COL6A3: variants seen among roughly 807,000 people sequenced by gnomAD.
COL6A3 encodes the protein collagen type VI alpha 3 chain.
A neutral mutation model predicts 274.1 loss-of-function variants in COL6A3; 137 were observed. The ratio of observed to expected loss-of-function variants is 0.50; its 90% CI spans 0.44 to 0.58. The LOEUF (loss-of-function observed/expected upper bound fraction) is 0.58. Among genes scored for constraint, COL6A3 ranks in the 20% least tolerant of loss-of-function variants. The probability of loss-of-function intolerance (pLI) is 0.00; values close to 1 mark genes in which losing one functional copy is unlikely to be tolerated. For synonymous variants in COL6A3, 1,650 were observed against 1,650.6 expected, an observed-to-expected ratio of 1.00 and a Z score of 0.01; for missense variants, 3,950 against 4,124.9, an observed-to-expected ratio of 0.96 and a Z score of 1.16.
rs749689911 is a variant in COL6A3 at position 237,364,711 on chromosome 2, G to A, written c.5839-283C>T. Among the ~76,000 whole-genome samples the A allele has an allele frequency of 2.0e-5, 3 of 151,206 alleles. No individual in the cohort carries two copies. Among genetic ancestry groups the A allele is most frequent in the African/African-American group, 4.8e-5 (2 of 41,238 alleles). On this transcript the variant is annotated intron_variant, in intron 12 of 43. Transcript: ENST00000295550. The surrounding 1 kb of genome is among the most constrained non-coding windows in gnomAD (Gnocchi z 4.6). ...CATATTTCTAAGATGTAGTTTCTGC[G>A]AATCATATGCATATGTGTGCATGCA...
At chr2:237,375,556 G>T (rs1412058672) in intron 7 of COL6A3, among the ~76,000 whole-genome samples, 2 of 152,072 alleles carry the variant, frequency 1.3e-5, no homozygotes, top group Non-Finnish European at 2.9e-5. Flanking sequence ...GAGGGGTCGG[G>T]GGGTGGACAG....
intron 31 of COL6A3, among the ~76,000 whole-genome samples, chr2:237,346,939 G>A (rs548375710): frequency 6.6e-6 from 1 of 151,188 alleles, no homozygotes; most frequent in Non-Finnish European, 1.5e-5. Flanking sequence ...AAAGCTCTTT[G>A]GGATATTAAA....
intron 42 of COL6A3, 111 bp downstream of exon 42, chr2:237,333,339 C>A: frequency 1.1e-6 from 1 of 952,216 alleles, no homozygotes. Context: ...TGGACCTTTT[C>A]CCCCATAGAA....
intron 43 of COL6A3, 66 bp from the exon 44 acceptor site, chr2:237,324,880 A>G (rs1242111549): frequency 4.6e-6 from 7 of 1,537,552 alleles, no homozygotes; most frequent in Non-Finnish European, 5.4e-6. Flanking sequence ...GAAAAGCCAC[A>G]TTACTGACCC....
rs1319372823 is a variant in COL6A3, at chr2:237,413,361, C to T, written c.-31+592G>A. ...GGTTCCTGGAAAGACGAAAGCTTGA[C>T]GGCAATGACTGAGCGACCCTTTACT... On this transcript the variant is annotated intron_variant, in intron 1 of 43. Transcript: ENST00000295550. This position sits in a 1 kb window ranked among gnomAD's most constrained non-coding sequence, Gnocchi z 4.0. 6.6e-6 allele frequency among the ~76,000 whole-genome samples: 1 copy of T among 152,234 alleles called. No individual in the cohort carries two copies. Among genetic ancestry groups the T allele is most frequent in the Non-Finnish European group, 1.5e-5 (1 of 68,044 alleles).
rs1038210060 is a variant in COL6A3 at position 237,329,916 on chromosome 2, A to G, written c.9328+3534T>C. 5 of 152,366 alleles carry G rather than the reference A, an allele frequency of 3.3e-5. No homozygotes were observed. The East Asian group carries it at 5.8e-4, about 18-fold the overall frequency. 9.4% of individuals were successfully genotyped at this position (152,366 alleles called of 1,614,324 possible). A position where few individuals can be genotyped will look rare whatever the true frequency, so the allele number is the denominator to read the frequency against. ...AAAATGATGGTTCCTTCAGGGCTATACAATTGGCCCAGTCATGTCTACTCG... is the reference window on the plus strand; with the variant it reads ...AAAATGATGGTTCCTTCAGGGCTATGCAATTGGCCCAGTCATGTCTACTCG... On this transcript the variant is annotated intron_variant, in intron 42 of 43. Coordinates refer to ENST00000295550, the MANE Select transcript of COL6A3 (RefSeq NM_004369.4).
chr2:237,365,869 C>A lies in COL6A3; in HGVS notation c.5667G>T (p.Val1889=). The change falls in exon 12 of 44, where the codon GTG becomes GTT. Residue 1889 remains valine (V), a synonymous_variant. Coordinates refer to ENST00000295550, the MANE Select transcript of COL6A3 (RefSeq NM_004369.4). ...GGRSPTVRVS[V]VANTPSGPVE... ...CCGGGCCCGAGGGCGTGTTGGCCACCACTGACACACGCACGGTGGGCGAGC... is the reference window on the plus strand; with the variant it reads ...CCGGGCCCGAGGGCGTGTTGGCCACAACTGACACACGCACGGTGGGCGAGC... 1 of 1,614,200 alleles carries A rather than the reference C, an allele frequency of 6.2e-7. No individual in the cohort carries two copies. The highest frequency in any genetic ancestry group is 8.5e-7 in the Non-Finnish European group (1 of 1,180,046).
chr2:237,344,901 G>A lies in COL6A3; in HGVS notation c.7174+40C>T. ...AAACTGTACTTACTACAAAAGGGAG[G>A]CTTCCTTTCCTTAGGAGAAAGTCAC... is the stretch of plus-strand genomic sequence containing the variant. On this transcript the variant is annotated intron_variant, in intron 35 of 43. Coordinates refer to ENST00000295550, the MANE Select transcript of COL6A3 (RefSeq NM_004369.4). This position sits in a 1 kb window ranked among gnomAD's most constrained non-coding sequence, Gnocchi z 4.8. 1.9e-6 allele frequency: 3 copies of A among 1,614,058 alleles called. No homozygotes were observed. The highest frequency in any genetic ancestry group is 2.5e-6 in the Non-Finnish European group (3 of 1,180,028).
At chr2:237,373,307 T>C (rs1037515782) in intron 8 of COL6A3, among the ~76,000 whole-genome samples, 1 of 152,226 alleles carries the variant, frequency 6.6e-6, no homozygotes, top group African/African-American at 2.4e-5. Flanking sequence ...TGCAGGCAGA[T>C]ACATTTTGGA....
rs369032069 is a variant in COL6A3 at position 237,339,051 on chromosome 2, G to T, written c.8531C>A (p.Pro2844His). Residue 2844 changes from proline to histidine, a missense_variant, in exon 39 of 44, where the codon CCC becomes CAC. Around this residue, in one of 5 missense-constraint regions of COL6A3, gnomAD observed 1,284 missense variants for 1,349.7 expected, o/e 0.95. Transcript: ENST00000295550. ...KQCDWFQGDQ[P>H]TKNLVKFGHK... is the part of the protein sequence containing the mutation. The stretch of plus-strand genomic sequence containing the variant: ...ACCAAACTTCACAAGGTTCTTTGTG[G>T]GTTGGTCCCCTTGGAACCAATCACA... The T allele has an allele frequency of 6.2e-7, 1 of 1,613,898 alleles. No homozygotes were observed. Among genetic ancestry groups the T allele is most frequent in the African/African-American group, 1.3e-5 (1 of 74,870 alleles).
At chr2:237,372,692 A>G (rs867116951) in intron 8 of COL6A3, among the ~76,000 whole-genome samples, 34 of 152,194 alleles carry the variant, frequency 2.2e-4, no homozygotes, top group African/African-American at 8.2e-4. Flanking sequence ...AGTGACCTCA[A>G]CTGGAGCACT....
At chr2:237,397,850 GGCCACA>G (rs1368302107) in intron 1 of COL6A3, among the ~76,000 whole-genome samples, 1 of 152,056 alleles carries the variant, frequency 6.6e-6, no homozygotes, top group Admixed American at 6.5e-5. Flanking sequence ...CTATTACTTT[GGCCACA>G]GCTAAAAAGC....
At chr2:237,343,438 C>G (rs1239558965) in intron 36 of COL6A3, 1 of 145,658 alleles carries the variant, frequency 6.9e-6, no homozygotes, top group Non-Finnish European at 1.5e-5. Context: ...TCACTTAAAA[C>G]TGGAAGGTGG....
At chr2:237,363,824 T>C (rs949970334) in intron 13 of COL6A3, among the ~76,000 whole-genome samples, 9 of 152,218 alleles carry the variant, frequency 5.9e-5, no homozygotes, top group African/African-American at 1.7e-4. Flanking sequence ...TGTAATGGCA[T>C]CCACTTTCTG....
intron 9 of COL6A3, among the ~76,000 whole-genome samples, chr2:237,370,020 A>G (rs1211757039): frequency 6.6e-6 from 1 of 151,178 alleles, no homozygotes; most frequent in Non-Finnish European, 1.5e-5. Context: ...TTTAAATTTC[A>G]TTAAAATTTT....
chr2:237,359,047 A>G lies in COL6A3; in HGVS notation c.6396T>C (p.Asn2132=). The part of the protein sequence containing the change: ...GLPGSSGEKG[N]PGRRGDKGPR... ...GAAATACACCTACCCTTCTTCCAGGATTCCCTTTCTCTCCAGAAGAACCAG... is the reference window on the plus strand; with the variant it reads ...GAAATACACCTACCCTTCTTCCAGGGTTCCCTTTCTCTCCAGAAGAACCAG... Residue 2132 remains asparagine (N), a synonymous_variant, in exon 20 of 44, where the codon AAT becomes AAC. Coordinates refer to ENST00000295550, the MANE Select transcript of COL6A3 (RefSeq NM_004369.4). 1 of 1,614,106 alleles carries G rather than the reference A, an allele frequency of 6.2e-7. No homozygotes were observed. The highest frequency in any genetic ancestry group is 8.5e-7 in the Non-Finnish European group (1 of 1,179,946).
rs1434617296 is a variant in COL6A3, at chr2:237,333,268, G to A, written c.9328+182C>T. 4.6e-6 allele frequency: 3 copies of A among 658,610 alleles called. No homozygotes were observed. In the African/African-American group the frequency reaches 5.4e-5, roughly 12 times the overall value. The allele number at this position is 658,610 out of a possible 1,614,324, so 40.8% of individuals were successfully genotyped here. A position where few individuals can be genotyped will look rare whatever the true frequency, so the allele number is the denominator to read the frequency against. On this transcript the variant is annotated intron_variant, in intron 42 of 43. Transcript: ENST00000295550. ...CTGAGTCTGATCACAGGTAAAGTAAGACTCCATTTACACCTGGGATTATGC... is the reference window on the plus strand; with the variant it reads ...CTGAGTCTGATCACAGGTAAAGTAAAACTCCATTTACACCTGGGATTATGC...
At chr2:237,388,287 C>T (rs984491293) in intron 3 of COL6A3, 103 bp from the exon 4 acceptor site, 154 of 1,434,052 alleles carry the variant, frequency 1.1e-4, no homozygotes, top group South Asian at 4.8e-4. Flanking sequence ...ATAAGAAACA[C>T]GAAATATGGG....
Position 237,346,658 on chromosome 2 carries a change from C to T in COL6A3, c.7030-93G>A. ...GGAAGGTACGGTAAAAGTGATCTAA[C>T]CCAAGGGACTCCATCACCACGAAAA... On this transcript the variant is annotated intron_variant, in intron 31 of 43. Coordinates refer to ENST00000295550, the MANE Select transcript of COL6A3 (RefSeq NM_004369.4). 4 of 1,123,274 alleles carry T rather than the reference C, an allele frequency of 3.6e-6. No individual in the cohort carries two copies. The South Asian group carries it at 3.8e-5, about 11-fold the overall frequency. 69.6% of individuals were successfully genotyped at this position (1,123,274 alleles called of 1,614,324 possible).
Sources: allele counts gnomAD v4.1 joint callset (sites outside exome capture counted in the v4.1 genomes callset), GRCh38; gene constraint gnomAD v4.1.1; regional missense constraint gnomAD v4.1.1; non-coding constraint Gnocchi (gnomAD v3.1); transcripts MANE v1.5; gene names NCBI Gene and HGNC (gene_info 2026-07-23, HGNC 2026-07-21).